Variants in STING1 observed in about 807,000 individuals in gnomAD.
STING1 encodes the protein stimulator of interferon response cGAMP interactor 1.
STING1 carries 19 observed loss-of-function variants against 31.6 expected under a neutral mutation model. The ratio of observed to expected loss-of-function variants is 0.60; its 90% confidence interval spans 0.42 to 0.88. STING1 has a LOEUF of 0.88. Ranked by LOEUF, STING1 falls within the 40% of genes least tolerant of loss-of-function variation. The probability of loss-of-function intolerance (pLI) is 0.00; values close to 1 mark genes in which losing one functional copy is unlikely to be tolerated. For missense variants in STING1, 371 were observed against 483.7 expected (o/e 0.77, Z 2.19); for synonymous variants, 200 against 208.6 (o/e 0.96, Z 0.35).
chr5:139,480,295 C>T (rs1035637526), intron 5 of STING1, among the ~76,000 whole-genome samples: 4 of 152,146 alleles, frequency 2.6e-5, no homozygotes, highest in African/African-American at 9.7e-5. Flanking sequence ...GCCTGTAATC[C>T]CAGCACTTTG....
Sources: gnomAD v4.1 joint callset for allele counts (sites outside exome capture counted in the v4.1 genomes callset) on GRCh38, gnomAD v4.1.1 for gene constraint, MANE v1.5 for transcripts, NCBI Gene and HGNC (gene_info 2026-07-23, HGNC 2026-07-21) for gene names.